Variants in TENM2 observed in about 807,000 individuals in gnomAD.
The protein encoded by TENM2 is teneurin transmembrane protein 2, also known as teneurin-2.
TENM2 carries 52 observed loss-of-function variants against 245.2 expected under a neutral mutation model. The ratio of observed to expected loss-of-function variants is 0.21; its 90% CI spans 0.17 to 0.27. TENM2 has a LOEUF of 0.27. Ranked by LOEUF, TENM2 falls within the 10% of genes least tolerant of loss-of-function variation. The pLI is 1.00. For synonymous variants in TENM2, 1,363 were observed against 1,438.9 expected, an observed-to-expected ratio of 0.95 and a Z score of 1.19; for missense variants, 3,046 against 3,666.8, an observed-to-expected ratio of 0.83 and a Z score of 4.37.
Position 168,247,799 on chromosome 5 carries a change from C to T in TENM2, c.6860C>T (p.Thr2287Ile). The T allele has an allele frequency of 6.2e-7, 1 of 1,614,006 alleles. No individual in the cohort carries two copies. The highest frequency in any genetic ancestry group is 8.5e-7 in the Non-Finnish European group (1 of 1,179,882). The change falls in exon 27 of 29, where the codon ACA becomes ATA. Residue 2287 changes from threonine (T) to isoleucine (I), a missense_variant. Physicochemically the swap from Thr to Ile is moderately conservative, Grantham distance 89. Around this residue, in one of 2 missense-constraint regions of TENM2, gnomAD observed 2,704 missense variants for 3,331.9 expected, o/e 0.81. Transcript: ENST00000518659. This position sits in a 1 kb window ranked among gnomAD's most constrained non-coding sequence, Gnocchi z 7.8. Reference sequence around the variant, plus strand: ...GAATACAATTCCAAGGGCCTCCTAACAAGAGCCTACAACAAGGCCAGCGGG... The same window carrying T: ...GAATACAATTCCAAGGGCCTCCTAATAAGAGCCTACAACAAGGCCAGCGGG...
At chr5:168,133,298 T>C (rs576028925) in intron 12 of TENM2, among the ~76,000 whole-genome samples, 5 of 152,338 alleles carry the variant, frequency 3.3e-5, no homozygotes, top group African/African-American at 1.2e-4. Flanking sequence ...AAGTAGGTAG[T>C]GATATTAGGC....
the TENM2 span, among the ~76,000 whole-genome samples, chr5:167,247,289 T>G: frequency 6.6e-6 from 1 of 152,122 alleles, no homozygotes; most frequent in Non-Finnish European, 1.5e-5. Context: ...GACTCCTGAG[T>G]TCACGCTCTT....
chr5:167,873,385 G>A (rs1773148429), intron 2 of TENM2, among the ~76,000 whole-genome samples: 1 of 152,048 alleles, frequency 6.6e-6, no homozygotes, highest in Non-Finnish European at 1.5e-5. Flanking sequence ...TCACCATTCT[G>A]TTTAGGCAAG....
intron 2 of TENM2, among the ~76,000 whole-genome samples, chr5:167,833,494 A>G (rs1431540188): frequency 6.6e-6 from 1 of 152,232 alleles, no homozygotes; most frequent in Non-Finnish European, 1.5e-5. Flanking sequence ...GTCAGATCCC[A>G]TCTGATGACA....
At chr5:167,335,396 A>C (rs1307692674) in intron 1 of TENM2, among the ~76,000 whole-genome samples, 1 of 152,178 alleles carries the variant, frequency 6.6e-6, no homozygotes, top group Non-Finnish European at 1.5e-5. Flanking sequence ...TGGGGGTTAC[A>C]TTTCAACATG....
At chr5:168,250,693 C>T (rs142244997) in intron 27 of TENM2, among the ~76,000 whole-genome samples, 3 of 152,286 alleles carry the variant, frequency 2.0e-5, no homozygotes, top group East Asian at 3.9e-4. Flanking sequence ...CTTTCGGACC[C>T]GGAAGTTATG....
the TENM2 span, among the ~76,000 whole-genome samples, chr5:167,174,022 G>T: frequency 6.6e-6 from 1 of 151,468 alleles, no homozygotes; most frequent in African/African-American, 2.4e-5. Context: ...TTGAGGGAGC[G>T]ATTTGTTCTT....
intron 1 of TENM2, among the ~76,000 whole-genome samples, chr5:167,365,848 C>A (rs1244535358): frequency 6.6e-6 from 1 of 151,824 alleles, no homozygotes; most frequent in Non-Finnish European, 1.5e-5. Context: ...ATGTATCTTA[C>A]AATTATAGAT....
At chr5:167,202,022 G>T in the TENM2 span, among the ~76,000 whole-genome samples, 1 of 152,096 alleles carries the variant, frequency 6.6e-6, no homozygotes, top group Non-Finnish European at 1.5e-5. Context: ...ACCAAGAGGT[G>T]CCCCCTTGTC....
At chr5:167,912,250 C>T (rs1366487716) in intron 3 of TENM2, among the ~76,000 whole-genome samples, 1 of 151,788 alleles carries the variant, frequency 6.6e-6, no homozygotes, top group African/African-American at 2.4e-5. Context: ...GGGTGGTATT[C>T]GTCTTTCTGT....
intron 2 of TENM2, among the ~76,000 whole-genome samples, chr5:167,413,656 C>T (rs1225522197): frequency 1.3e-5 from 2 of 152,124 alleles, no homozygotes; most frequent in Non-Finnish European, 2.9e-5. Flanking sequence ...TCAAGCCAGA[C>T]CCTATGCTTT....
chr5:167,038,449 G>T, the TENM2 span, among the ~76,000 whole-genome samples: 1 of 152,164 alleles, frequency 6.6e-6, no homozygotes, highest in Non-Finnish European at 1.5e-5. Flanking sequence ...CTTGAAGCAG[G>T]GTTGAGGGAG....
chr5:167,573,064 G>A (rs1774382545), intron 2 of TENM2, among the ~76,000 whole-genome samples: 1 of 115,512 alleles, frequency 8.7e-6, no homozygotes, highest in Non-Finnish European at 2.1e-5. Context: ...ATATTTTGGT[G>A]TGGGCTCTTT....
chr5:167,083,075 A>G, the TENM2 span, among the ~76,000 whole-genome samples: 1 of 152,114 alleles, frequency 6.6e-6, no homozygotes, highest in Non-Finnish European at 1.5e-5. Flanking sequence ...AAAGATTTAC[A>G]TAAATAATTT....
chr5:167,374,899 T>A (rs1561904970), intron 1 of TENM2, among the ~76,000 whole-genome samples: 1 of 152,214 alleles, frequency 6.6e-6, no homozygotes, highest in African/African-American at 2.4e-5. Context: ...TTTGATACGT[T>A]CCGGGTTTTT....
At chr5:167,675,150 G>C (rs981083982) in intron 2 of TENM2, among the ~76,000 whole-genome samples, 2 of 152,128 alleles carry the variant, frequency 1.3e-5, no homozygotes, top group Admixed American at 1.3e-4. Flanking sequence ...ATGAGAGTTT[G>C]TAAGTGCTTA....
chr5:168,005,977 A>G (rs1197826708), intron 5 of TENM2, among the ~76,000 whole-genome samples: 1 of 152,230 alleles, frequency 6.6e-6, no homozygotes, highest in Admixed American at 6.5e-5. Context: ...CCAAATGCCT[A>G]GCTAGAGAGA....
At chr5:167,317,419 C>G (rs1756431067) in intron 1 of TENM2, among the ~76,000 whole-genome samples, 1 of 151,984 alleles carries the variant, frequency 6.6e-6, no homozygotes, top group African/African-American at 2.4e-5. Context: ...CTAGAGGAGA[C>G]CATGAAAAGA....
At chr5:167,929,057 GAGAGAAAGAAAGAAAGAAAGAAAGAA>G (rs1778009898) in intron 3 of TENM2, among the ~76,000 whole-genome samples, 7 of 57,336 alleles carry the variant, frequency 1.2e-4, no homozygotes, top group African/African-American at 4.0e-4. Flanking sequence ...AAGAAAGAAA[GAGAGAAAGAAAGAAAGAAAGAAAGAA>G]AGAAAGAAAG....
Sources: allele counts gnomAD v4.1 joint callset (sites outside exome capture counted in the v4.1 genomes callset), GRCh38; gene constraint gnomAD v4.1.1; regional missense constraint gnomAD v4.1.1; non-coding constraint Gnocchi (gnomAD v3.1); transcripts MANE v1.5; gene names NCBI Gene and HGNC (gene_info 2026-07-23, HGNC 2026-07-21).